Variants in MYO5B observed in about 807,000 individuals in gnomAD.
MYO5B encodes the protein myosin VB.
In MYO5B, 143 loss-of-function variants were observed where a neutral mutation model predicts 229.3. The observed-to-expected ratio is 0.62, with a 90% confidence interval of 0.54 to 0.72. The LOEUF is 0.72. Ranked by LOEUF, MYO5B falls within the 30% of genes least tolerant of loss-of-function variation. The pLI is 0.00. For synonymous variants in MYO5B, 918 were observed against 885.2 expected (o/e 1.04, Z -0.66); for missense variants, 2,321 against 2,331.0 (o/e 1.00, Z 0.09).
chr18:50,133,557 G>C (rs2032287216), intron 1 of MYO5B, among the ~76,000 whole-genome samples: 1 of 152,204 alleles, frequency 6.6e-6, no homozygotes, highest in Non-Finnish European at 1.5e-5. Context: ...GAAGTCATGT[G>C]ATGAGCCCAG....
At chr18:49,930,988 G>T (rs2025184429) in intron 16 of MYO5B, among the ~76,000 whole-genome samples, 1 of 151,940 alleles carries the variant, frequency 6.6e-6, no homozygotes, top group African/African-American at 2.4e-5. Context: ...AAAGAATTAA[G>T]GCAACCTAGA....
rs77627534 is a variant in MYO5B, at chr18:50,190,985, C to G, written c.27+3782G>C. Among the ~76,000 whole-genome samples the G allele has an allele frequency of 3.6e-3, 547 of 152,210 alleles. 2 individuals are homozygous for G. Among genetic ancestry groups the G allele is most frequent in the Non-Finnish European group, 5.6e-3 (378 of 68,006 alleles). On this transcript the variant is annotated intron_variant, in intron 1 of 39. Transcript: ENST00000285039. Reference sequence around the variant, plus strand: ...TCATCACATTAGGAAAGCCCACTAGCAAGTTAAAAATAAAAGGGAACATTG... The same window carrying G: ...TCATCACATTAGGAAAGCCCACTAGGAAGTTAAAAATAAAAGGGAACATTG...
At chr18:50,095,331 G>A (rs1459304100) in intron 1 of MYO5B, among the ~76,000 whole-genome samples, 2 of 152,194 alleles carry the variant, frequency 1.3e-5, no homozygotes, top group Non-Finnish European at 2.9e-5. Context: ...AGAAGTGGAT[G>A]TAATTCCCTG....
At chr18:50,140,745 C>A (rs1028400014) in intron 1 of MYO5B, among the ~76,000 whole-genome samples, 4 of 152,148 alleles carry the variant, frequency 2.6e-5, no homozygotes, top group African/African-American at 9.7e-5. Context: ...AACCACAGTC[C>A]ACACACCTGG....
chr18:50,184,361 G>A (rs577294935), intron 1 of MYO5B, among the ~76,000 whole-genome samples: 2 of 152,176 alleles, frequency 1.3e-5, no homozygotes, highest in African/African-American at 2.4e-5. Flanking sequence ...CTGTTGCTGG[G>A]GCAGGGAGAG....
intron 9 of MYO5B, among the ~76,000 whole-genome samples, chr18:49,978,417 G>A (rs1008915134): frequency 2.6e-4 from 39 of 152,056 alleles, no homozygotes; most frequent in African/African-American, 5.8e-4. Flanking sequence ...TGCTGGTCTC[G>A]CCCCCCAATG....
intron 14 of MYO5B, among the ~76,000 whole-genome samples, chr18:49,938,672 A>T (rs1175200387): frequency 6.6e-6 from 1 of 152,126 alleles, no homozygotes; most frequent in Admixed American, 6.5e-5. Flanking sequence ...CTCCCTGATC[A>T]GATCCCACTC....
intron 1 of MYO5B, among the ~76,000 whole-genome samples, chr18:50,110,282 C>G (rs1320187856): frequency 6.6e-6 from 1 of 152,106 alleles, no homozygotes; most frequent in East Asian, 1.9e-4. Context: ...CTCCTGGCAA[C>G]AACAGCATCT....
intron 27 of MYO5B, among the ~76,000 whole-genome samples, chr18:49,866,387 C>T (rs1442902537): frequency 3.3e-5 from 5 of 152,172 alleles, no homozygotes; most frequent in Non-Finnish European, 4.4e-5. Context: ...CCTATTTTTA[C>T]GTGCACAGTT....
intron 16 of MYO5B, among the ~76,000 whole-genome samples, chr18:49,931,663 A>G (rs1319365369): frequency 1.3e-5 from 2 of 152,086 alleles, no homozygotes; most frequent in Admixed American, 6.5e-5. Context: ...CCAGGATCCA[A>G]GGGGGTCTTC....
chr18:49,953,135 A>G, intron 14 of MYO5B, 125 bp downstream of exon 14: 2 of 829,328 alleles, frequency 2.4e-6, no homozygotes, highest in Non-Finnish European at 4.1e-6. Flanking sequence ...TGACCAACAA[A>G]CCCGTTGGCC....
intron 1 of MYO5B, among the ~76,000 whole-genome samples, chr18:50,184,628 G>A (rs1489817700): frequency 1.3e-5 from 2 of 152,072 alleles, no homozygotes; most frequent in African/African-American, 4.8e-5. Context: ...CCAACTAGAG[G>A]GTTCAAAATA....
intron 1 of MYO5B, among the ~76,000 whole-genome samples, chr18:50,103,884 G>T (rs1373443257): frequency 6.6e-6 from 1 of 151,846 alleles, no homozygotes; most frequent in Non-Finnish European, 1.5e-5. Flanking sequence ...GGTAGGGCAA[G>T]CATGCATCAT....
intron 1 of MYO5B, among the ~76,000 whole-genome samples, chr18:50,122,361 G>A (rs545879612): frequency 2.0e-5 from 3 of 146,762 alleles, no homozygotes; most frequent in South Asian, 2.2e-4. Flanking sequence ...CAGCACTTTC[G>A]CAGGCCGAGG....
intron 35 of MYO5B, chr18:49,840,003 T>G (rs1281664602): frequency 1.3e-5 from 2 of 153,026 alleles, no homozygotes; most frequent in Non-Finnish European, 2.9e-5. Context: ...CATCTTAATA[T>G]GAAAAAAAGC....
chr18:50,174,065 G>A (rs374069512), intron 1 of MYO5B, among the ~76,000 whole-genome samples: 83 of 152,146 alleles, frequency 5.5e-4, no homozygotes, highest in African/African-American at 1.7e-3. Context: ...AGAACAAAAC[G>A]ACAGAAGGAG....
At chr18:49,879,364 C>T (rs2024561881) in intron 23 of MYO5B, 5 of 474,786 alleles carry the variant, frequency 1.1e-5, no homozygotes, top group Admixed American at 3.3e-5. Context: ...GTTGATGCCC[C>T]AGCCTCTCTT....
chr18:49,853,355 G>T, intron 31 of MYO5B, 94 bp downstream of exon 31: 1 of 1,276,142 alleles, frequency 7.8e-7, no homozygotes, highest in Non-Finnish European at 1.1e-6. Context: ...CAAGGGTCAT[G>T]AACCTTGTCA....
chr18:50,101,011 T>C (rs1486446053), intron 1 of MYO5B, among the ~76,000 whole-genome samples: 1 of 152,222 alleles, frequency 6.6e-6, no homozygotes, highest in Non-Finnish European at 1.5e-5. Context: ...GGGGAGGTAT[T>C]GAACAATCAG....
Sources: allele counts gnomAD v4.1 joint callset (sites outside exome capture counted in the v4.1 genomes callset), GRCh38; gene constraint gnomAD v4.1.1; transcripts MANE v1.5; gene names NCBI Gene and HGNC (gene_info 2026-07-23, HGNC 2026-07-21).